Variants in PIWIL3 observed in about 807,000 individuals in gnomAD.
PIWIL3 encodes piwi-like protein 3.
A neutral mutation model predicts 109.7 loss-of-function variants in PIWIL3; 101 were observed. The ratio of observed to expected loss-of-function variants is 0.92; its 90% CI spans 0.78 to 1.09. The LOEUF (loss-of-function observed/expected upper bound fraction) is 1.09. Ranked by LOEUF, PIWIL3 falls within the 50% of genes least tolerant of loss-of-function variation. PIWIL3 has a pLI of 0.00. For synonymous variants in PIWIL3, 373 were observed against 376.4 expected, an observed-to-expected ratio of 0.99 and a Z score of 0.10; for missense variants, 1,031 against 1,072.6, an observed-to-expected ratio of 0.96 and a Z score of 0.54.
chr22:24,763,297 TTTTG>T (rs752963795), intron 1 of PIWIL3, among the ~76,000 whole-genome samples: 30 of 146,396 alleles, frequency 2.0e-4, no homozygotes, highest in East Asian at 1.2e-3. Context: ...ACCCAGCTAG[TTTTG>T]TTTGTTTGTT....
intron 3 of PIWIL3, among the ~76,000 whole-genome samples, chr22:24,759,483 A>C (rs567291903): frequency 6.6e-6 from 1 of 152,330 alleles, no homozygotes; most frequent in East Asian, 1.9e-4. Flanking sequence ...ATAAACGAGG[A>C]TAACCTGTCA....
intron 14 of PIWIL3, 53 bp from the exon 15 acceptor site, chr22:24,728,427 G>A: frequency 2.5e-6 from 4 of 1,605,112 alleles, no homozygotes; most frequent in Non-Finnish European, 2.6e-6. Context: ...AGTGATACAG[G>A]AAAGAAAAAC....
rs573545064 is a variant in PIWIL3, at chr22:24,723,970, G to A, written c.2232-715C>T. On this transcript the variant is annotated intron_variant, in intron 18 of 20. Transcript: ENST00000616349. ...TGAGATTACAGGCGTGAGCCACCACGCCAGGCCATTCATGGATTTCTATGA... is the reference window on the plus strand; with the variant it reads ...TGAGATTACAGGCGTGAGCCACCACACCAGGCCATTCATGGATTTCTATGA... 1.4e-4 allele frequency among the ~76,000 whole-genome samples: 22 copies of A among 152,160 alleles called. No homozygotes were observed. In the South Asian group the frequency reaches 3.5e-3, roughly 24 times the overall value.
intron 14 of PIWIL3, among the ~76,000 whole-genome samples, chr22:24,731,709 T>C (rs562147723): frequency 1.3e-4 from 19 of 151,602 alleles, no homozygotes; most frequent in Non-Finnish European, 2.4e-4. Flanking sequence ...CACTTAGACA[T>C]AGACATATAG....
chr22:24,758,167 G>A (rs909509383), intron 3 of PIWIL3, 128 bp from the exon 4 acceptor site: 25 of 1,129,916 alleles, frequency 2.2e-5, no homozygotes, highest in Non-Finnish European at 2.6e-5. Flanking sequence ...ACACATTTCC[G>A]TGATATGTTG....
intron 18 of PIWIL3, among the ~76,000 whole-genome samples, chr22:24,724,221 T>C (rs1189408081): frequency 2.0e-5 from 3 of 151,894 alleles, no homozygotes; most frequent in African/African-American, 7.3e-5. Flanking sequence ...TCACACATTG[T>C]ATTGGTGTTT....
chr22:24,756,754 A>C (rs1925058095), intron 4 of PIWIL3, 49 bp from the exon 5 acceptor site: 1 of 1,485,586 alleles, frequency 6.7e-7, no homozygotes, highest in East Asian at 2.3e-5. Flanking sequence ...GATTGGGCCC[A>C]AAACAAACAG....
intron 12 of PIWIL3, among the ~76,000 whole-genome samples, chr22:24,745,014 A>G (rs1024700884): frequency 2.0e-5 from 3 of 152,244 alleles, no homozygotes; most frequent in South Asian, 2.1e-4. Context: ...TTCAAAAGAC[A>G]AACAAAGCAT....
At chr22:24,773,903 C>T (rs961632695) in intron 1 of PIWIL3, among the ~76,000 whole-genome samples, 2 of 151,794 alleles carry the variant, frequency 1.3e-5, no homozygotes, top group Admixed American at 1.3e-4. Flanking sequence ...TTCGTAGAGA[C>T]GGGGTTTCAC....
chr22:24,759,955 C>T lies in PIWIL3; in HGVS notation c.137G>A (p.Arg46Gln), dbSNP rs138064276. ...QEPPQLQSTP[R>Q]PLQEEVPVVR... Reference sequence around the variant, plus strand: ...CACTGGGACTTCCTCCTGCAGCGGCCGGGGTGTCGACTGCAACTGAGGGGG... The same window carrying T: ...CACTGGGACTTCCTCCTGCAGCGGCTGGGGTGTCGACTGCAACTGAGGGGG... The change falls in exon 3 of 21, where the codon CGG becomes CAG. Residue 46 changes from arginine (R) to glutamine (Q), a missense_variant. Coordinates refer to ENST00000616349, the MANE Select transcript of PIWIL3 (RefSeq NM_001255975.1). 6.4e-5 allele frequency: 104 copies of T among 1,614,048 alleles called. No homozygotes were observed. The African/African-American group carries it at 7.9e-4, about 12-fold the overall frequency.
At chr22:24,754,681 C>T (rs1924915717) in intron 7 of PIWIL3, 103 bp downstream of exon 7, 1 of 877,944 alleles carries the variant, frequency 1.1e-6, no homozygotes, top group South Asian at 1.5e-5. Context: ...TTTAAAAGGC[C>T]ATCACTTTTA....
At chr22:24,764,579 T>C (rs1925672164) in intron 1 of PIWIL3, among the ~76,000 whole-genome samples, 1 of 151,978 alleles carries the variant, frequency 6.6e-6, no homozygotes, top group African/African-American at 2.4e-5. Flanking sequence ...TGTATCTGCT[T>C]TTTCATCTAT....
At chr22:24,744,487 C>T (rs917584073) in intron 12 of PIWIL3, among the ~76,000 whole-genome samples, 3 of 152,006 alleles carry the variant, frequency 2.0e-5, no homozygotes, top group African/African-American at 4.8e-5. Flanking sequence ...GCAGGAGAAT[C>T]GCTTGAACCC....
intron 12 of PIWIL3, among the ~76,000 whole-genome samples, chr22:24,744,207 A>AAC (rs1569103685): frequency 7.4e-6 from 1 of 135,036 alleles, no homozygotes; most frequent in Non-Finnish European, 1.6e-5. Flanking sequence ...AAAAAAAAAA[A>AAC]CAATGATCTG....
At chr22:24,725,586 T>G (rs1011409439) in intron 16 of PIWIL3, 71 bp from the exon 17 acceptor site, 1 of 1,467,578 alleles carries the variant, frequency 6.8e-7, no homozygotes, top group Non-Finnish European at 9.5e-7. Context: ...CATTAATCTA[T>G]GGGCAAAAAA....
chr22:24,749,871 T>C, intron 9 of PIWIL3, 52 bp from the exon 10 acceptor site: 1 of 1,613,570 alleles, frequency 6.2e-7, no homozygotes, highest in Non-Finnish European at 8.5e-7. Context: ...CTTAGAAACA[T>C]CACACACAGA....
At chr22:24,768,447 T>G (rs7292391) in intron 1 of PIWIL3, among the ~76,000 whole-genome samples, 26 of 152,086 alleles carry the variant, frequency 1.7e-4, no homozygotes, top group Non-Finnish European at 3.7e-4. Flanking sequence ...AGGGACAGGG[T>G]TTCACCATCT....
chr22:24,742,275 G>A (rs1428662305), intron 12 of PIWIL3, among the ~76,000 whole-genome samples: 2 of 151,768 alleles, frequency 1.3e-5, no homozygotes, highest in African/African-American at 4.8e-5. Flanking sequence ...CACATCCCAT[G>A]CTCATGGATG....
chr22:24,751,868 A>C (rs905333452), intron 8 of PIWIL3, among the ~76,000 whole-genome samples: 2 of 152,248 alleles, frequency 1.3e-5, no homozygotes, highest in African/African-American at 2.4e-5. Flanking sequence ...TCTTTCACTT[A>C]GCATCATGTT....
Sources: gnomAD v4.1 joint callset for allele counts (sites outside exome capture counted in the v4.1 genomes callset) on GRCh38, gnomAD v4.1.1 for gene constraint, MANE v1.5 for transcripts, NCBI Gene and HGNC (gene_info 2026-07-23, HGNC 2026-07-21) for gene names.